The following DPP10 variants were observed in gnomAD, a reference collection of about 807,000 sequenced individuals.
DPP10 encodes dipeptidyl peptidase like 10, also known as inactive dipeptidyl peptidase 10.
Under a neutral mutation model 120.9 loss-of-function variants are expected in DPP10, and 33 were observed. That is an observed-to-expected ratio of 0.27 (90% confidence interval 0.21 to 0.37). The LOEUF is 0.37. DPP10 is among the 10% of genes least tolerant of loss of function. The pLI is 1.00. For synonymous variants in DPP10, 337 were observed against 326.1 expected (o/e 1.03, Z -0.36); for missense variants, 816 against 942.8 (o/e 0.87, Z 1.76).
chr2:114,690,986 C>T (rs112155851), intron 1 of DPP10, among the ~76,000 whole-genome samples: 2,546 of 152,102 alleles, frequency 0.017, 95 homozygotes, highest in African/African-American at 0.059. Context: ...AGGAGGTATT[C>T]TAAATATAGG....
chr2:115,217,842 GACTT>G (rs1423986017), intron 1 of DPP10, among the ~76,000 whole-genome samples: 3 of 151,934 alleles, frequency 2.0e-5, no homozygotes, highest in Admixed American at 6.6e-5. Flanking sequence ...GCCCTTGCCT[GACTT>G]ACTTGTCTGA....
chr2:115,074,277 G>A (rs904801530), intron 1 of DPP10, among the ~76,000 whole-genome samples: 13 of 152,190 alleles, frequency 8.5e-5, no homozygotes, highest in African/African-American at 2.9e-4. Context: ...CCAAAGTGCT[G>A]GGACTACAGG....
intron 1 of DPP10, among the ~76,000 whole-genome samples, chr2:114,693,617 G>A (rs1185084430): frequency 1.3e-5 from 2 of 151,920 alleles, no homozygotes; most frequent in African/African-American, 4.8e-5. Flanking sequence ...GAATTTAAAT[G>A]TTGGCCTGTC....
At chr2:115,693,888 C>T (rs2091449215) in intron 7 of DPP10, among the ~76,000 whole-genome samples, 1 of 152,084 alleles carries the variant, frequency 6.6e-6, no homozygotes, top group Non-Finnish European at 1.5e-5. Context: ...GTATGAAATA[C>T]AGTTCTAAAG....
At chr2:115,242,157 C>T (rs1379850904) in intron 1 of DPP10, among the ~76,000 whole-genome samples, 1 of 151,936 alleles carries the variant, frequency 6.6e-6, no homozygotes, top group Admixed American at 6.6e-5. Context: ...ATGCTCTTCC[C>T]ACCCTTTCCC....
chr2:115,426,757 T>C (rs1099196), intron 3 of DPP10, among the ~76,000 whole-genome samples: 145,501 of 152,280 alleles, frequency 0.96, 69,552 homozygotes, highest in African/African-American at 0.98. Flanking sequence ...CATTCTGCCC[T>C]TGGCCCCCAC....
At chr2:115,315,777 G>A (rs1424201119) in intron 2 of DPP10, among the ~76,000 whole-genome samples, 2 of 152,058 alleles carry the variant, frequency 1.3e-5, no homozygotes, top group South Asian at 2.1e-4. Context: ...TTTCCATGTA[G>A]CATTACCCAG....
At chr2:115,236,261 C>G (rs1331754423) in intron 1 of DPP10, among the ~76,000 whole-genome samples, 1 of 152,124 alleles carries the variant, frequency 6.6e-6, no homozygotes, top group Non-Finnish European at 1.5e-5. Flanking sequence ...TCTAACGTCA[C>G]GTTGGTGAAG....
chr2:114,775,659 TC>T (rs1431540908), intron 1 of DPP10, among the ~76,000 whole-genome samples: 1 of 152,214 alleles, frequency 6.6e-6, no homozygotes, highest in African/African-American at 2.4e-5. Context: ...CTCTTTGTAC[TC>T]ATTACTTCTT....
chr2:114,514,249 A>G (rs1194897270), intron 1 of DPP10, among the ~76,000 whole-genome samples: 1 of 152,136 alleles, frequency 6.6e-6, no homozygotes, highest in Non-Finnish European at 1.5e-5. Flanking sequence ...TGAAGTACCT[A>G]ATCTCCCCAC....
intron 1 of DPP10, among the ~76,000 whole-genome samples, chr2:114,826,238 T>C (rs746730215): frequency 1.1e-4 from 17 of 152,208 alleles, no homozygotes; most frequent in Non-Finnish European, 1.6e-4. Flanking sequence ...AATGTTGTTT[T>C]CATAATTATA....
chr2:115,644,311 C>G (rs200917920), intron 5 of DPP10, among the ~76,000 whole-genome samples: 36 of 152,250 alleles, frequency 2.4e-4, no homozygotes, highest in African/African-American at 6.0e-4. Context: ...ATCCCTCCCC[C>G]CTCCGCCCAC....
intron 4 of DPP10, among the ~76,000 whole-genome samples, chr2:115,514,483 A>G (rs2077397191): frequency 6.6e-6 from 1 of 151,712 alleles, no homozygotes; most frequent in Non-Finnish European, 1.5e-5. Flanking sequence ...TATAATTTTA[A>G]TAAAACATGG....
At chr2:115,069,627 T>A (rs932764160) in intron 1 of DPP10, among the ~76,000 whole-genome samples, 2 of 152,194 alleles carry the variant, frequency 1.3e-5, no homozygotes, top group East Asian at 3.9e-4. Flanking sequence ...GTCTTTGATT[T>A]TGTTGGAAAT....
At chr2:115,840,649 T>G in intron 24 of DPP10, 101 bp from the exon 25 acceptor site, 2 of 1,207,926 alleles carry the variant, frequency 1.7e-6, no homozygotes, top group Non-Finnish European at 2.4e-6. Flanking sequence ...AAATGTGCAA[T>G]GTATGTAAAA....
intron 3 of DPP10, among the ~76,000 whole-genome samples, chr2:115,419,423 AAGAG>A (rs1013707715): frequency 6.6e-6 from 1 of 152,080 alleles, no homozygotes; most frequent in East Asian, 1.9e-4. Context: ...GAGAGACAGC[AAGAG>A]AGAGAGGGGA....
At chr2:115,604,573 C>T (rs2083572882) in intron 5 of DPP10, among the ~76,000 whole-genome samples, 1 of 152,134 alleles carries the variant, frequency 6.6e-6, no homozygotes, top group East Asian at 1.9e-4. Flanking sequence ...ACTAGTGTCT[C>T]TTTTCTTCAA....
intron 2 of DPP10, among the ~76,000 whole-genome samples, chr2:115,320,516 T>A (rs1245141739): frequency 1.3e-5 from 2 of 151,960 alleles, no homozygotes; most frequent in African/African-American, 2.4e-5. Context: ...TATGGTTATG[T>A]TGGTCATCAT....
intron 4 of DPP10, among the ~76,000 whole-genome samples, chr2:115,507,036 A>G (rs940627354): frequency 5.7e-4 from 82 of 144,192 alleles, no homozygotes; most frequent in South Asian, 1.7e-3. Flanking sequence ...ACGCACGCGC[A>G]CACACACACA....
Sources: gnomAD v4.1 joint callset for allele counts (sites outside exome capture counted in the v4.1 genomes callset) on GRCh38, gnomAD v4.1.1 for gene constraint, MANE v1.5 for transcripts, NCBI Gene and HGNC (gene_info 2026-07-23, HGNC 2026-07-21) for gene names.